SIPA1L1: variants seen among roughly 807,000 people sequenced by gnomAD.
SIPA1L1 encodes signal-induced proliferation-associated 1-like protein 1.
A neutral mutation model predicts 162.7 loss-of-function variants in SIPA1L1; 26 were observed. That is an observed-to-expected ratio of 0.16 (90% CI 0.12 to 0.22). The LOEUF (loss-of-function observed/expected upper bound fraction) is 0.22. SIPA1L1 is among the 10% of genes least tolerant of loss of function. The pLI, the probability that SIPA1L1 is intolerant of heterozygous loss-of-function variation, is 1.00. For missense variants in SIPA1L1, 1,874 were observed against 2,241.0 expected, an observed-to-expected ratio of 0.84 and a Z score of 3.31; for synonymous variants, 829 against 837.4, an observed-to-expected ratio of 0.99 and a Z score of 0.17.
chr14:71,708,029 G>GTTTTTTTTTTTTTTTTT (rs58827391), intron 16 of SIPA1L1, among the ~76,000 whole-genome samples: 106 of 81,994 alleles, frequency 1.3e-3, no homozygotes, highest in Non-Finnish European at 2.0e-3. Flanking sequence ...TTTTTTTTTT[G>GTTTTTTTTTTTTTTTTT]TTTTTTTTTT....
At chr14:71,381,163 C>T (rs1367471906) in intron 2 of SIPA1L1, among the ~76,000 whole-genome samples, 1 of 152,176 alleles carries the variant, frequency 6.6e-6, no homozygotes, top group Non-Finnish European at 1.5e-5. Context: ...AGTGATTCTC[C>T]TGCCTCAGCC....
chr14:71,431,643 G>A (rs1567015297), intron 2 of SIPA1L1, among the ~76,000 whole-genome samples: 1 of 152,048 alleles, frequency 6.6e-6, no homozygotes, highest in Non-Finnish European at 1.5e-5. Context: ...GTAGTGAGCT[G>A]TGATTGCACC....
chr14:71,495,677 G>A (rs2108049), intron 2 of SIPA1L1, among the ~76,000 whole-genome samples: 1 of 151,020 alleles, frequency 6.6e-6, no homozygotes, highest in African/African-American at 2.4e-5. Context: ...CTTGCTTGGG[G>A]TTACTTTACT....
chr14:71,606,732 T>C (rs980466626), intron 5 of SIPA1L1, among the ~76,000 whole-genome samples: 3 of 151,948 alleles, frequency 2.0e-5, no homozygotes, highest in Non-Finnish European at 4.4e-5. Flanking sequence ...TCCCAACCGG[T>C]CCCAACCAAG....
intron 17 of SIPA1L1, among the ~76,000 whole-genome samples, chr14:71,714,585 C>CT (rs34342241): frequency 9.4e-5 from 14 of 149,614 alleles, no homozygotes; most frequent in Non-Finnish European, 1.5e-4. Context: ...GCTTTTCTCT[C>CT]TTTTTTTTTT....
In SIPA1L1 at chr14:71,709,600, G is replaced by A. The variant is rs199658282; in HGVS notation, c.4144G>A (p.Gly1382Ser). 2.8e-4 allele frequency: 452 copies of A among 1,614,156 alleles called. 6 individuals are homozygous for A. In the East Asian group the frequency reaches 7.4e-3, roughly 26 times the overall value. The part of the protein sequence containing the change: ...SLDIHSKSQA[G>S]STPLTRENST... ...AGACATACACAGCAAGAGCCAAGCC[G>A]GCTCGACCCCTCTGACAAGGGAGAA... Residue 1382 changes from glycine (G) to serine (S), a missense_variant, in exon 17 of 24, where the codon GGC becomes AGC. Gly to Ser is a moderately conservative substitution (Grantham distance 56). Transcript: ENST00000381232.
intron 2 of SIPA1L1, among the ~76,000 whole-genome samples, chr14:71,399,267 GTT>G (rs1293289651): frequency 4.6e-5 from 7 of 152,210 alleles, no homozygotes; most frequent in Non-Finnish European, 8.8e-5. Context: ...AGTTGATGAT[GTT>G]TGTATTATCC....
chr14:71,423,029 G>A (rs1285996592), intron 2 of SIPA1L1, among the ~76,000 whole-genome samples: 1 of 152,178 alleles, frequency 6.6e-6, no homozygotes, highest in Admixed American at 6.5e-5. Flanking sequence ...TAATGGGTAT[G>A]AGGTGGCACC....
chr14:71,520,973 C>T (rs940040456), intron 3 of SIPA1L1, among the ~76,000 whole-genome samples: 2 of 152,058 alleles, frequency 1.3e-5, no homozygotes, highest in African/African-American at 2.4e-5. Context: ...AGTCTGGTCT[C>T]GAACTCCTGG....
rs372878375 is a variant in SIPA1L1, at chr14:71,583,276, G to A, written c.-302-4295G>A. On this transcript the variant is annotated intron_variant, in intron 4 of 23. Coordinates refer to ENST00000381232, the MANE Select transcript of SIPA1L1 (RefSeq NM_001386936.1). ...AAAGTGCTGGGATTACAGGCACAAG[G>A]CACTGTGCTGGGCCTGGAAATTTTC... Among the ~76,000 whole-genome samples the A allele has an allele frequency of 1.8e-4, 27 of 152,244 alleles. 1 individual carries two copies. In the East Asian group the frequency reaches 2.1e-3, roughly 12 times the overall value.
At chr14:71,481,530 T>C (rs1468173645) in intron 2 of SIPA1L1, among the ~76,000 whole-genome samples, 1 of 150,630 alleles carries the variant, frequency 6.6e-6, no homozygotes, top group Non-Finnish European at 1.5e-5. Context: ...AAAAAAAAAG[T>C]CCCCAAAAAA....
intron 2 of SIPA1L1, among the ~76,000 whole-genome samples, chr14:71,385,686 C>CTTTTTTTTTTTTTTTTTTTTTTTTTTTT (rs532140419): frequency 8.9e-6 from 1 of 112,414 alleles, no homozygotes; most frequent in Non-Finnish European, 1.8e-5. Context: ...TTTGTACATT[C>CTTTTTTTTTTTTTTTTTTTTTTTTTTTT]TTTTTTTTTT....
intron 2 of SIPA1L1, chr14:71,330,548 C>G: frequency 7.0e-7 from 1 of 1,420,560 alleles, no homozygotes; most frequent in Non-Finnish European, 1.0e-6. Context: ...ATGAAGATGC[C>G]TAGCTGGGAG....
intron 6 of SIPA1L1, among the ~76,000 whole-genome samples, chr14:71,621,234 T>C (rs752160567): frequency 2.6e-5 from 4 of 152,214 alleles, no homozygotes; most frequent in Non-Finnish European, 5.9e-5. Flanking sequence ...TCCTTTGAAA[T>C]GTCATTCCAG....
chr14:71,514,538 C>T (rs1182882459), intron 3 of SIPA1L1, among the ~76,000 whole-genome samples: 1 of 152,156 alleles, frequency 6.6e-6, no homozygotes, highest in East Asian at 1.9e-4. Context: ...CCTGGTGCTG[C>T]CTGCAACTTA....
chr14:71,473,483 C>T (rs2047622716), intron 2 of SIPA1L1, among the ~76,000 whole-genome samples: 1 of 152,126 alleles, frequency 6.6e-6, no homozygotes, highest in Admixed American at 6.5e-5. Context: ...AGAATTTGAG[C>T]CCAGATTTTC....
In SIPA1L1 at chr14:71,464,642, AAAAACAAAAC is replaced by A. The variant is rs143695589; in HGVS notation, c.-464-48086_-464-48077del. ...GGTGACAGAGGGAGACTCCATCTCA[AAAAACAAAAC>A]AAAACAAAACAAAAAAAACAAACAG... On this transcript the variant is annotated intron_variant, in intron 2 of 23. Coordinates refer to ENST00000381232, the MANE Select transcript of SIPA1L1 (RefSeq NM_001386936.1). Among the ~76,000 whole-genome samples, 116 of 152,046 alleles carry A rather than the reference AAAAACAAAAC, an allele frequency of 7.6e-4. 1 individual carries two copies. The highest frequency in any genetic ancestry group is 2.4e-3 in the African/African-American group (101 of 41,404).
intron 2 of SIPA1L1, among the ~76,000 whole-genome samples, chr14:71,503,618 C>T (rs935095666): frequency 6.6e-6 from 1 of 152,036 alleles, no homozygotes; most frequent in Non-Finnish European, 1.5e-5. Flanking sequence ...CTAGACAACC[C>T]ATTTGTTGAG....
intron 17 of SIPA1L1, among the ~76,000 whole-genome samples, chr14:71,717,941 G>A (rs958175289): frequency 7.2e-5 from 11 of 152,208 alleles, no homozygotes; most frequent in African/African-American, 7.2e-5. Context: ...AGTTACATCA[G>A]TACCTACAGG....
Sources: gnomAD v4.1 joint callset for allele counts (sites outside exome capture counted in the v4.1 genomes callset) on GRCh38, gnomAD v4.1.1 for gene constraint, MANE v1.5 for transcripts, NCBI Gene and HGNC (gene_info 2026-07-23, HGNC 2026-07-21) for gene names.